The following ZFAT variants were observed in gnomAD, a reference collection of about 807,000 sequenced individuals.
ZFAT encodes zinc finger and AT-hook domain containing, also known as zinc finger protein ZFAT.
In ZFAT, 64 loss-of-function variants were observed where a neutral mutation model predicts 117.7. The observed-to-expected ratio is 0.54, with a 90% confidence interval of 0.44 to 0.67. The LOEUF (loss-of-function observed/expected upper bound fraction) is 0.67. Ranked by LOEUF, ZFAT falls within the 30% of genes least tolerant of loss-of-function variation. ZFAT has a pLI of 0.00. For missense variants in ZFAT, 1,433 were observed against 1,584.5 expected (o/e 0.90, Z 1.62); for synonymous variants, 679 against 615.0 (o/e 1.10, Z -1.54).
intron 11 of ZFAT, among the ~76,000 whole-genome samples, chr8:134,550,310 G>GGA (rs567927266): frequency 1.4e-5 from 1 of 72,532 alleles, no homozygotes; most frequent in African/African-American, 5.1e-5. Flanking sequence ...GGTCACAACG[G>GGA]AAAAAAAAAA....
intron 13 of ZFAT, among the ~76,000 whole-genome samples, chr8:134,518,711 T>C (rs1035829598): frequency 5.3e-5 from 8 of 152,036 alleles, no homozygotes; most frequent in African/African-American, 1.9e-4. Context: ...TACTTATTTA[T>C]GAGCTCTCAG....
At chr8:134,511,907 C>T (rs75050127) in intron 14 of ZFAT, among the ~76,000 whole-genome samples, 1 of 152,066 alleles carries the variant, frequency 6.6e-6, no homozygotes, top group Admixed American at 6.6e-5. Context: ...GCAAAGTGAC[C>T]CCCTGCACGC....
chr8:134,704,102 G>A (rs1318069083), intron 1 of ZFAT, among the ~76,000 whole-genome samples: 1 of 152,122 alleles, frequency 6.6e-6, no homozygotes, highest in Non-Finnish European at 1.5e-5. Context: ...GCAGGACCAG[G>A]ACTTCACCCA....
intron 2 of ZFAT, among the ~76,000 whole-genome samples, chr8:134,655,465 T>C (rs773837280): frequency 6.6e-6 from 1 of 152,042 alleles, no homozygotes; most frequent in Admixed American, 6.6e-5. Flanking sequence ...CTGAGCAACA[T>C]AGTGAAACCC....
At chr8:134,556,413 G>T (rs9644456) in intron 11 of ZFAT, among the ~76,000 whole-genome samples, 52,161 of 151,608 alleles carry the variant, frequency 0.34, 9,273 homozygotes, top group East Asian at 0.67. Flanking sequence ...GCAGAAGGAA[G>T]AAAGAGATAA....
At chr8:134,757,567 G>A in the ZFAT span, among the ~76,000 whole-genome samples, 2 of 152,164 alleles carry the variant, frequency 1.3e-5, no homozygotes, top group African/African-American at 4.8e-5. Flanking sequence ...AGTGAATTGG[G>A]ATGGGACACT....
At chr8:134,529,972 C>G (rs527550046) in intron 12 of ZFAT, among the ~76,000 whole-genome samples, 40 of 152,310 alleles carry the variant, frequency 2.6e-4, no homozygotes, top group African/African-American at 9.6e-4. Flanking sequence ...GAACCCTCAG[C>G]TCCTTTTAGG....
At chr8:134,595,359 CAG>C (rs149078595) in intron 7 of ZFAT, among the ~76,000 whole-genome samples, 146 of 151,582 alleles carry the variant, frequency 9.6e-4, no homozygotes, top group African/African-American at 3.3e-3. Flanking sequence ...TTTTGAGAGA[CAG>C]AGAGAGAATG....
chr8:134,521,807 T>C (rs1449092686), intron 12 of ZFAT, among the ~76,000 whole-genome samples: 1 of 152,246 alleles, frequency 6.6e-6, no homozygotes, highest in Non-Finnish European at 1.5e-5. Context: ...TCTAGTCTAC[T>C]GGCCTGAGCC....
chr8:134,710,160 TAAGC>T (rs2131371125), intron 1 of ZFAT, among the ~76,000 whole-genome samples: 1 of 152,322 alleles, frequency 6.6e-6, no homozygotes, highest in East Asian at 1.9e-4. Context: ...TCTCTCTATA[TAAGC>T]AACAACGTGG....
intron 1 of ZFAT, among the ~76,000 whole-genome samples, chr8:134,658,894 T>C (rs764575115): frequency 6.6e-6 from 1 of 152,100 alleles, no homozygotes; most frequent in African/African-American, 2.4e-5. Flanking sequence ...CATAGGAACT[T>C]TGGGGATGGA....
intron 15 of ZFAT, among the ~76,000 whole-genome samples, chr8:134,499,540 A>G (rs1433115381): frequency 6.7e-5 from 10 of 148,472 alleles, no homozygotes; most frequent in African/African-American, 2.5e-4. Flanking sequence ...GGTTACACAC[A>G]GAGCCTGATT....
chr8:134,759,979 AAAAAAAAAAAAC>A, the ZFAT span, among the ~76,000 whole-genome samples: 69 of 149,362 alleles, frequency 4.6e-4, 1 homozygote, highest in African/African-American at 1.7e-3. Flanking sequence ...TCAAAAAAAA[AAAAAAAAAAAAC>A]AAACAGAGGC....
chr8:134,831,583 G>A, the ZFAT span, among the ~76,000 whole-genome samples: 1 of 152,208 alleles, frequency 6.6e-6, no homozygotes, highest in African/African-American at 2.4e-5. Flanking sequence ...CCGGCAAAAA[G>A]CAAGGCGCCT....
chr8:134,522,880 G>T (rs1820761174), intron 12 of ZFAT, among the ~76,000 whole-genome samples: 1 of 152,144 alleles, frequency 6.6e-6, no homozygotes. Context: ...CTCAGCCTCA[G>T]TTCTTGTCTC....
At chr8:134,537,295 C>T (rs750972496) in intron 11 of ZFAT, among the ~76,000 whole-genome samples, 2 of 152,216 alleles carry the variant, frequency 1.3e-5, no homozygotes, top group African/African-American at 4.8e-5. Context: ...TTTGGGGCCC[C>T]AGGCCCAGCC....
intron 13 of ZFAT, among the ~76,000 whole-genome samples, chr8:134,516,750 G>C (rs1432008991): frequency 6.6e-6 from 1 of 152,006 alleles, no homozygotes; most frequent in Admixed American, 6.6e-5. Flanking sequence ...ACTATCTACT[G>C]TCTCCTGAGG....
chr8:134,544,508 AG>A (rs1297766057), intron 11 of ZFAT, among the ~76,000 whole-genome samples: 15 of 152,172 alleles, frequency 9.9e-5, no homozygotes, highest in Admixed American at 3.9e-4. Flanking sequence ...AGTGAAGAAA[AG>A]CCAAATAAGG....
Position 134,602,605 on chromosome 8 carries a change from G to A in ZFAT, c.1114C>T (p.His372Tyr). 6.2e-7 allele frequency: 1 copy of A among 1,614,162 alleles called. No individual in the cohort carries two copies. The highest frequency in any genetic ancestry group is 8.5e-7 in the Non-Finnish European group (1 of 1,180,050). The change falls in exon 6 of 16, where the codon CAC (histidine) becomes TAC (tyrosine). Residue 372 changes from histidine to tyrosine, a missense_variant. By Grantham distance (83) the His-to-Tyr change is moderately conservative. Transcript: ENST00000377838. ...TGTGGGTCATGCGCGTCTCGGATGT[G>A]CTTGATGAGGTTCTTGACGTCAGAG... Reference protein sequence around the residue: ...KYSDVKNLIKHIRDAHDPQDK... With the variant: ...KYSDVKNLIKYIRDAHDPQDK...
Sources: gnomAD v4.1 joint callset for allele counts (sites outside exome capture counted in the v4.1 genomes callset) on GRCh38, gnomAD v4.1.1 for gene constraint, MANE v1.5 for transcripts, NCBI Gene and HGNC (gene_info 2026-07-23, HGNC 2026-07-21) for gene names.